Variants in FGFR2 observed in about 807,000 individuals in gnomAD.
FGFR2 encodes the protein BEK fibroblast growth factor receptor.
FGFR2 carries 19 observed loss-of-function variants against 95.9 expected under a neutral mutation model. The observed-to-expected ratio is 0.20, with a 90% confidence interval of 0.14 to 0.29. FGFR2 has a LOEUF of 0.29. Among genes scored for constraint, FGFR2 ranks in the 10% least tolerant of loss-of-function variants. FGFR2 has a pLI of 1.00. For synonymous variants in FGFR2, 392 were observed against 393.3 expected, an observed-to-expected ratio of 1.00 and a Z score of 0.04; for missense variants, 707 against 1,056.9, an observed-to-expected ratio of 0.67 and a Z score of 4.59.
chr10:121,510,778 ATTTATTTTAT>A (rs58544210), intron 9 of FGFR2, among the ~76,000 whole-genome samples: 131 of 145,370 alleles, frequency 9.0e-4, no homozygotes, highest in South Asian at 1.6e-3. Context: ...ACTGCCCTTG[ATTTATTTTAT>A]TTTATTTTAT....
In FGFR2 at chr10:121,497,561, T is replaced by C. The variant is rs74160612; in HGVS notation, c.1673-839A>G. ...CACACTTTATTTATCCATTCCCTTA[T>C]ATGCATAGGCATTTGCTTCCAGGTT... On this transcript the variant is annotated intron_variant, in intron 12 of 17. Transcript: ENST00000358487. Among the ~76,000 whole-genome samples the C allele has an allele frequency of 2.8e-3, 421 of 152,338 alleles. 1 individual carries two copies. Among genetic ancestry groups the C allele is most frequent in the African/African-American group, 9.8e-3 (408 of 41,582 alleles).
At position 121,517,971 on chromosome 10, in the gene FGFR2, C is replaced by T; in HGVS notation, c.940-508G>A. 1 of 419,500 alleles carries T rather than the reference C, an allele frequency of 2.4e-6. No homozygotes were observed. The highest frequency in any genetic ancestry group is 3.1e-5 in the Admixed American group (1 of 31,830). 26.0% of individuals were successfully genotyped at this position (419,500 alleles called of 1,614,324 possible). ...GTGGAAGGTTGTCTTGGTTACCAGGCTCTGGTTATTTTTACTTCTGCGATA... is the reference window on the plus strand; with the variant it reads ...GTGGAAGGTTGTCTTGGTTACCAGGTTCTGGTTATTTTTACTTCTGCGATA... On this transcript the variant is annotated intron_variant, in intron 7 of 17. Transcript: ENST00000358487. The surrounding 1 kb of genome is among the most constrained non-coding windows in gnomAD (Gnocchi z 4.7).
At position 121,518,892 on chromosome 10, in the gene FGFR2, T is replaced by C. The variant is rs1371696730; in HGVS notation, c.939+1087A>G. On this transcript the variant is annotated intron_variant, in intron 7 of 17. Coordinates refer to ENST00000358487, the MANE Select transcript of FGFR2 (RefSeq NM_000141.5). The surrounding 1 kb of genome is among the most constrained non-coding windows in gnomAD (Gnocchi z 4.0). Reference sequence around the variant, plus strand: ...AGGAAGGTCTTAGCATTGTCTATGGTCCCACCACCAACACACCGCAAGAAA... The same window carrying C: ...AGGAAGGTCTTAGCATTGTCTATGGCCCCACCACCAACACACCGCAAGAAA... 1.1e-5 allele frequency: 17 copies of C among 1,596,926 alleles called. No homozygotes were observed. The East Asian group carries it at 3.8e-4, about 36-fold the overall frequency.
intron 4 of FGFR2, among the ~76,000 whole-genome samples, chr10:121,552,914 C>T (rs142570167): frequency 6.6e-6 from 1 of 152,088 alleles, no homozygotes; most frequent in Non-Finnish European, 1.5e-5. Context: ...GCAAAATGGC[C>T]CTAGGCAGGG....
rs1332180494 is a variant in FGFR2, at chr10:121,487,895, C to T, written c.1986+96G>A. 61 of 1,509,276 alleles carry T rather than the reference C, an allele frequency of 4.0e-5. 2 individuals carry two copies. In the South Asian group the frequency reaches 6.4e-4, roughly 16 times the overall value. 93.5% of individuals were successfully genotyped at this position (1,509,276 alleles called of 1,614,324 possible). ...CGGGGCAGGGGAATGGGTCCCCAGCCATCCCACCCAGCTCTCAACATTGAC... is the reference window on the plus strand; with the variant it reads ...CGGGGCAGGGGAATGGGTCCCCAGCTATCCCACCCAGCTCTCAACATTGAC... On this transcript the variant is annotated intron_variant, in intron 14 of 17. Coordinates refer to ENST00000358487, the MANE Select transcript of FGFR2 (RefSeq NM_000141.5).
At chr10:121,565,176 C>CAAAAAAA (rs71865754) in intron 3 of FGFR2, among the ~76,000 whole-genome samples, 10 of 97,982 alleles carry the variant, frequency 1.0e-4, no homozygotes, top group African/African-American at 2.9e-4. Flanking sequence ...GTCAGTGGTA[C>CAAAAAAA]AAAAAAAAAA....
At chr10:121,597,547 G>A (rs1863630639) in intron 1 of FGFR2, among the ~76,000 whole-genome samples, 1 of 152,226 alleles carries the variant, frequency 6.6e-6, no homozygotes, top group Non-Finnish European at 1.5e-5. Context: ...TGGTACGGAA[G>A]TTCCCAGGAC....
chr10:121,529,817 G>A (rs1200809435), intron 6 of FGFR2, among the ~76,000 whole-genome samples: 1 of 152,194 alleles, frequency 6.6e-6, no homozygotes, highest in Non-Finnish European at 1.5e-5. Flanking sequence ...TCATTCAAGT[G>A]ACTGTCACCC....
intron 2 of FGFR2, among the ~76,000 whole-genome samples, chr10:121,577,063 AG>A (rs1489899290): frequency 5.8e-5 from 8 of 138,288 alleles, no homozygotes; most frequent in Non-Finnish European, 3.0e-5. Context: ...TGAACCTGGG[AG>A]GCGGAAGTTG....
At chr10:121,488,315 C>T (rs928178926) in intron 13 of FGFR2, among the ~76,000 whole-genome samples, 18 of 151,938 alleles carry the variant, frequency 1.2e-4, no homozygotes, top group African/African-American at 3.6e-4. Flanking sequence ...TCAAGGTGGG[C>T]GGATCACTTG....
At chr10:121,526,530 A>C (rs1024875802) in intron 6 of FGFR2, among the ~76,000 whole-genome samples, 48 of 152,216 alleles carry the variant, frequency 3.2e-4, no homozygotes, top group African/African-American at 1.2e-3. Flanking sequence ...TTGTTTTCCC[A>C]GAAATACGAA....
chr10:121,567,265 G>A (rs142609278), intron 2 of FGFR2, among the ~76,000 whole-genome samples: 127 of 152,272 alleles, frequency 8.3e-4, no homozygotes, highest in South Asian at 2.3e-3. Flanking sequence ...CAGGAGGCCC[G>A]GGGCTTCTCA....
chr10:121,492,956 G>A (rs1846329137), intron 13 of FGFR2, among the ~76,000 whole-genome samples: 1 of 152,156 alleles, frequency 6.6e-6, no homozygotes, highest in Admixed American at 6.5e-5. Context: ...CCTCATGAGA[G>A]CAGGAGACAG....
chr10:121,568,624 A>G (rs1858066008), intron 2 of FGFR2, among the ~76,000 whole-genome samples: 1 of 152,016 alleles, frequency 6.6e-6, no homozygotes, highest in South Asian at 2.1e-4. Context: ...CATTAGGGGG[A>G]AAAAAAGAAA....
In FGFR2 at chr10:121,593,849, T is replaced by C; in HGVS notation, c.-32A>G. ...GGTACCAATCCCCGGTCCTCTTCCA[T>C]ATCTCCATGTGGACGTTAATCCCAT... On this transcript the variant is annotated 5_prime_UTR_variant, in exon 2 of 18. In the 5' UTR this introduces an upstream ATG that the reference lacks. Coordinates refer to ENST00000358487, the MANE Select transcript of FGFR2 (RefSeq NM_000141.5). The C allele has an allele frequency of 6.4e-7, 1 of 1,565,380 alleles. No individual in the cohort carries two copies. The highest frequency in any genetic ancestry group is 8.8e-7 in the Non-Finnish European group (1 of 1,135,560).
intron 13 of FGFR2, among the ~76,000 whole-genome samples, chr10:121,490,642 G>A (rs1564864673): frequency 6.6e-6 from 1 of 152,230 alleles, no homozygotes; most frequent in East Asian, 1.9e-4. Context: ...CTTTTACACT[G>A]GTTATTGGCA....
chr10:121,535,801 CAAT>C (rs1852747314), intron 6 of FGFR2, among the ~76,000 whole-genome samples: 1 of 152,206 alleles, frequency 6.6e-6, no homozygotes, highest in South Asian at 2.1e-4. Flanking sequence ...TTACACACAA[CAAT>C]GGCTTGCCGT....
chr10:121,572,752 T>A (rs17614575), intron 2 of FGFR2, among the ~76,000 whole-genome samples: 3,685 of 152,302 alleles, frequency 0.024, 81 homozygotes, highest in Non-Finnish European at 0.039. Context: ...TGGGAGCTCA[T>A]AGGACCTCTG....
intron 8 of FGFR2, among the ~76,000 whole-genome samples, chr10:121,516,158 G>A (rs1849684708): frequency 6.6e-6 from 1 of 152,106 alleles, no homozygotes; most frequent in South Asian, 2.1e-4. Flanking sequence ...TCTACAAGCA[G>A]TGTATTTCCA....
Sources: allele counts gnomAD v4.1 joint callset (sites outside exome capture counted in the v4.1 genomes callset), GRCh38; gene constraint gnomAD v4.1.1; non-coding constraint Gnocchi (gnomAD v3.1); transcripts MANE v1.5; gene names NCBI Gene and HGNC (gene_info 2026-07-23, HGNC 2026-07-21).